Variants in KCNMA1 observed in about 807,000 individuals in gnomAD.
The protein encoded by KCNMA1 is Calcium-activated potassium channel subunit alpha-1.
KCNMA1 carries 29 observed loss-of-function variants against 140.0 expected under a neutral mutation model. The observed-to-expected ratio is 0.21, with a 90% CI of 0.15 to 0.28. KCNMA1 has a LOEUF of 0.28. KCNMA1 is among the 10% of genes least tolerant of loss of function. KCNMA1 has a pLI of 1.00. For synonymous variants in KCNMA1, 612 were observed against 611.9 expected (o/e 1.00, Z 0.00); for missense variants, 880 against 1,602.2 (o/e 0.55, Z 7.70).
At chr10:77,116,142 C>G (rs1482385953) in intron 6 of KCNMA1, among the ~76,000 whole-genome samples, 1 of 152,200 alleles carries the variant, frequency 6.6e-6, no homozygotes, top group East Asian at 1.9e-4. Flanking sequence ...TAGCCTGCTT[C>G]CTAAGCTTTG....
intron 1 of KCNMA1, among the ~76,000 whole-genome samples, chr10:77,612,808 C>T (rs905701517): frequency 6.6e-6 from 1 of 152,124 alleles, no homozygotes; most frequent in African/African-American, 2.4e-5. Flanking sequence ...ACCTCCCTGA[C>T]ACACCTCCTT....
intron 1 of KCNMA1, among the ~76,000 whole-genome samples, chr10:77,413,197 A>G (rs2096658222): frequency 6.6e-6 from 1 of 152,162 alleles, no homozygotes; most frequent in Non-Finnish European, 1.5e-5. Context: ...TTTCATGACA[A>G]TAACTATGAC....
At chr10:77,550,166 G>T (rs1258264840) in intron 1 of KCNMA1, among the ~76,000 whole-genome samples, 1 of 152,208 alleles carries the variant, frequency 6.6e-6, no homozygotes, top group Non-Finnish European at 1.5e-5. Context: ...AAGGAGAAAA[G>T]AAGAGAAGGA....
intron 5 of KCNMA1, among the ~76,000 whole-genome samples, chr10:77,123,029 A>G (rs1399796416): frequency 1.3e-5 from 2 of 150,990 alleles, no homozygotes; most frequent in African/African-American, 4.9e-5. Flanking sequence ...AACACAAAAA[A>G]ATTAGCCGGG....
chr10:77,141,065 T>C (rs932927217), intron 5 of KCNMA1, among the ~76,000 whole-genome samples: 14 of 152,090 alleles, frequency 9.2e-5, no homozygotes, highest in African/African-American at 3.1e-4. Context: ...TGAATTGTCC[T>C]ACTCCTCCTG....
chr10:77,184,672 AG>A (rs2098833525), intron 4 of KCNMA1, 150 bp downstream of exon 4: 1 of 695,280 alleles, frequency 1.4e-6, no homozygotes, highest in African/African-American at 1.8e-5. Flanking sequence ...AGCTAAGGAG[AG>A]GGCTCTCTCT....
intron 25 of KCNMA1, chr10:76,903,348 A>C (rs1015740053): frequency 1.3e-5 from 2 of 152,144 alleles, no homozygotes; most frequent in Non-Finnish European, 2.9e-5. Flanking sequence ...TTTCGTTTAT[A>C]ATTGCTCTAA....
At chr10:76,910,688 A>G (rs1392071707) in intron 24 of KCNMA1, 1 of 160,922 alleles carries the variant, frequency 6.2e-6, no homozygotes, top group Admixed American at 5.8e-5. Flanking sequence ...TACACAGGAA[A>G]CCCCAGGTGG....
intron 16 of KCNMA1, among the ~76,000 whole-genome samples, chr10:77,022,233 TC>T (rs2153497907): frequency 6.6e-6 from 1 of 152,274 alleles, no homozygotes; most frequent in Admixed American, 6.5e-5. Flanking sequence ...GTTCTCTAGC[TC>T]CAACTTTATA....
intron 1 of KCNMA1, among the ~76,000 whole-genome samples, chr10:77,568,782 A>G (rs1383618927): frequency 4.0e-5 from 6 of 151,368 alleles, no homozygotes; most frequent in African/African-American, 1.5e-4. Context: ...TTAGAAAAAG[A>G]GGAAGTCAAA....
At chr10:77,507,831 T>C (rs1603630881) in intron 1 of KCNMA1, among the ~76,000 whole-genome samples, 2 of 152,226 alleles carry the variant, frequency 1.3e-5, no homozygotes, top group Non-Finnish European at 2.9e-5. Context: ...TTAAAAAACA[T>C]GTGCATCCTT....
At chr10:77,122,370 T>C (rs1040731737) in intron 5 of KCNMA1, among the ~76,000 whole-genome samples, 4 of 152,156 alleles carry the variant, frequency 2.6e-5, no homozygotes, top group African/African-American at 7.2e-5. Context: ...ATAATACTTA[T>C]ATAACTTTTA....
chr10:77,309,847 T>C (rs2078793163), intron 2 of KCNMA1, among the ~76,000 whole-genome samples: 1 of 152,188 alleles, frequency 6.6e-6, no homozygotes, highest in Non-Finnish European at 1.5e-5. Flanking sequence ...ACAGCCTCTC[T>C]GGTCTCAGTT....
At chr10:77,409,912 G>T (rs1172468499) in intron 1 of KCNMA1, among the ~76,000 whole-genome samples, 1 of 152,314 alleles carries the variant, frequency 6.6e-6, no homozygotes, top group South Asian at 2.1e-4. Flanking sequence ...TCTATGAACA[G>T]GGATGAGTCC....
intron 3 of KCNMA1, among the ~76,000 whole-genome samples, chr10:77,216,139 T>C (rs1313727705): frequency 6.6e-6 from 1 of 152,146 alleles, no homozygotes; most frequent in African/African-American, 2.4e-5. Flanking sequence ...GGCAACTCTA[T>C]AGAGACAGAA....
intron 16 of KCNMA1, among the ~76,000 whole-genome samples, chr10:77,023,906 A>G (rs1214666050): frequency 1.3e-5 from 2 of 152,214 alleles, no homozygotes; most frequent in African/African-American, 4.8e-5. Flanking sequence ...ACAGCATGAT[A>G]AAGATTGCTC....
intron 23 of KCNMA1, among the ~76,000 whole-genome samples, chr10:76,922,471 G>A (rs898603447): frequency 6.6e-6 from 1 of 152,166 alleles, no homozygotes; most frequent in East Asian, 1.9e-4. Context: ...ACTTCACAGG[G>A]CCGCTGATGG....
At chr10:77,315,445 T>A (rs1173889712) in intron 2 of KCNMA1, 7 of 152,220 alleles carry the variant, frequency 4.6e-5, no homozygotes, top group Admixed American at 4.6e-4. Context: ...CTTGTGTTTG[T>A]TTCCTCTTAG....
intron 21 of KCNMA1, among the ~76,000 whole-genome samples, chr10:76,949,990 C>A (rs1272951435): frequency 6.6e-6 from 1 of 152,084 alleles, no homozygotes; most frequent in Non-Finnish European, 1.5e-5. Flanking sequence ...TGTTTTTGTG[C>A]TTCAAAATGG....
Sources: gnomAD v4.1 joint callset for allele counts (sites outside exome capture counted in the v4.1 genomes callset) on GRCh38, gnomAD v4.1.1 for gene constraint, MANE v1.5 for transcripts, NCBI Gene and HGNC (gene_info 2026-07-23, HGNC 2026-07-21) for gene names.